Variants in TANC1 observed in about 807,000 individuals in gnomAD.
TANC1 encodes tetratricopeptide repeat, ankyrin repeat and coiled-coil containing 1, also known as protein TANC1.
Under a neutral mutation model 149.7 loss-of-function variants are expected in TANC1, and 77 were observed. That is an observed-to-expected ratio of 0.51 (90% CI 0.43 to 0.62). TANC1 has a LOEUF of 0.62. Ranked by LOEUF, TANC1 falls within the 20% of genes least tolerant of loss-of-function variation. TANC1 has a pLI of 0.00. For synonymous variants in TANC1, 854 were observed against 925.0 expected (o/e 0.92, Z 1.39); for missense variants, 1,985 against 2,321.8 (o/e 0.85, Z 2.98).
At chr2:159,102,767 G>A (rs1271932073) in intron 4 of TANC1, among the ~76,000 whole-genome samples, 1 of 68,190 alleles carries the variant, frequency 1.5e-5, no homozygotes, top group Admixed American at 1.9e-4. Context: ...TGCCCAGGCT[G>A]GAGTGCAGTG....
At position 159,136,315 on chromosome 2, in the gene TANC1, T is replaced by C. The variant is rs1195741844; in HGVS notation, c.364+17T>C. 1 of 1,402,884 alleles carries C rather than the reference T, an allele frequency of 7.1e-7. No homozygotes were observed. Among genetic ancestry groups the C allele is most frequent in the African/African-American group, 1.4e-5 (1 of 70,886 alleles). The allele number at this position is 1,402,884 out of a possible 1,614,324, so 86.9% of individuals were successfully genotyped here. A position where few individuals can be genotyped will look rare whatever the true frequency, so the allele number is the denominator to read the frequency against. Reference sequence around the variant, plus strand: ...ATGAGCATGGTAAGAATTTCAGTGATTTCCTTCCCCCTCTACCAAAGATTT... The same window carrying C: ...ATGAGCATGGTAAGAATTTCAGTGACTTCCTTCCCCCTCTACCAAAGATTT... On this transcript the variant is annotated intron_variant, in intron 5 of 26. Coordinates refer to ENST00000263635, the MANE Select transcript of TANC1 (RefSeq NM_033394.3).
chr2:159,190,942 A>T (rs1377275127), intron 16 of TANC1, among the ~76,000 whole-genome samples: 1 of 152,262 alleles, frequency 6.6e-6, no homozygotes, highest in East Asian at 1.9e-4. Context: ...GCAAGCCTAT[A>T]TAGATCTGTA....
intron 2 of TANC1, among the ~76,000 whole-genome samples, chr2:159,058,714 A>G (rs997849952): frequency 6.6e-6 from 1 of 152,216 alleles, no homozygotes; most frequent in Non-Finnish European, 1.5e-5. Flanking sequence ...GAAGGAAGCA[A>G]CTTCTTTATC....
chr2:159,003,111 C>T (rs973766308), intron 2 of TANC1, among the ~76,000 whole-genome samples: 1 of 152,144 alleles, frequency 6.6e-6, no homozygotes, highest in Admixed American at 6.5e-5. Context: ...AGGTTTTTAA[C>T]CCCTGTAGCT....
intron 2 of TANC1, among the ~76,000 whole-genome samples, chr2:159,037,416 A>G (rs963133476): frequency 2.1e-4 from 32 of 152,194 alleles, no homozygotes; most frequent in African/African-American, 7.7e-4. Context: ...TGTTTTAGTC[A>G]TGAAGTCTTT....
At position 159,163,634 on chromosome 2, in the gene TANC1, A is replaced by G. The variant is rs994910635; in HGVS notation, c.946+88A>G. The G allele has an allele frequency of 1.4e-5, 20 of 1,475,956 alleles. No homozygotes were observed. In the Middle Eastern group the frequency reaches 7.6e-4, roughly 56 times the overall value. The allele number at this position is 1,475,956 out of a possible 1,614,324, so 91.4% of individuals were successfully genotyped here. The stretch of plus-strand genomic sequence containing the variant: ...GTCTTCACATGGGAAGACACTCCAG[A>G]TACAAGCCAGCTTCGTGGCCGTGGG... On this transcript the variant is annotated intron_variant, in intron 8 of 26. Coordinates refer to ENST00000263635, the MANE Select transcript of TANC1 (RefSeq NM_033394.3).
chr2:159,028,081 A>G (rs1013357541), intron 2 of TANC1, among the ~76,000 whole-genome samples: 4 of 152,156 alleles, frequency 2.6e-5, no homozygotes, highest in African/African-American at 9.6e-5. Context: ...TTGCCAACAC[A>G]TGAAAGTTGG....
chr2:158,993,150 G>T lies in TANC1; in HGVS notation c.-125-7930G>T, dbSNP rs578149452. 4.6e-5 allele frequency among the ~76,000 whole-genome samples: 7 copies of T among 152,332 alleles called. No homozygotes were observed. The South Asian group carries it at 1.2e-3, about 27-fold the overall frequency. On this transcript the variant is annotated intron_variant, in intron 1 of 26. Transcript: ENST00000263635. ...TATGAGCAGTTTTCAGCCAAGGAAA[G>T]GAGTCAGATTAAACGGTCACACAGC...
intron 1 of TANC1, among the ~76,000 whole-genome samples, chr2:158,980,807 C>T (rs57613923): frequency 0.094 from 14,239 of 151,638 alleles, 690 homozygotes; most frequent in Middle Eastern, 0.11. Flanking sequence ...CCTTAAATAG[C>T]ATTTGTCACC....
At chr2:159,181,960 G>T (rs2056533353) in intron 14 of TANC1, among the ~76,000 whole-genome samples, 1 of 152,108 alleles carries the variant, frequency 6.6e-6, no homozygotes, top group African/African-American at 2.4e-5. Flanking sequence ...TAGCACTTTG[G>T]GAGGCAGAGA....
chr2:159,086,815 T>A (rs568442021), intron 3 of TANC1, among the ~76,000 whole-genome samples: 1 of 152,348 alleles, frequency 6.6e-6, no homozygotes, highest in East Asian at 1.9e-4. Flanking sequence ...TTGGGTCATG[T>A]ATCTTACTTA....
intron 1 of TANC1, among the ~76,000 whole-genome samples, chr2:159,000,444 G>A (rs2036523827): frequency 6.6e-6 from 1 of 152,036 alleles, no homozygotes; most frequent in Non-Finnish European, 1.5e-5. Flanking sequence ...AGTGGGAGGA[G>A]GGCCTTTTAG....
Position 159,230,843 on chromosome 2 carries a change from G to C in TANC1, c.5417G>C (p.Ser1806Thr). Reference sequence around the variant, plus strand: ...GCACAAGTGAAGGAGCTAGAAGAAAGCAAGTGCCAAATTCCAGTCCACTCT... The same window carrying C: ...GCACAAGTGAAGGAGCTAGAAGAAACCAAGTGCCAAATTCCAGTCCACTCT... ...NGAQVKELEE[S>T]KCQIPVHSQE... is the part of the protein sequence containing the mutation. The change falls in exon 27 of 27, where the codon AGC (serine) becomes ACC (threonine). Residue 1806 changes from serine to threonine, a missense_variant. Physicochemically the swap from Ser to Thr is moderately conservative, Grantham distance 58 (BLOSUM62 1). Transcript: ENST00000263635. This position sits in a 1 kb window ranked among gnomAD's most constrained non-coding sequence, Gnocchi z 4.4. 6.2e-7 allele frequency: 1 copy of C among 1,614,204 alleles called. No homozygotes were observed. The highest frequency in any genetic ancestry group is 1.1e-5 in the South Asian group (1 of 91,078).
intron 25 of TANC1, chr2:159,228,256 G>T: frequency 2.7e-6 from 1 of 367,042 alleles, no homozygotes. Flanking sequence ...CACTGTTGCT[G>T]CTGGCACTGC....
At chr2:158,978,972 G>C (rs368671960) in intron 1 of TANC1, among the ~76,000 whole-genome samples, 129 of 152,246 alleles carry the variant, frequency 8.5e-4, no homozygotes, top group African/African-American at 2.9e-3. Context: ...AGATTTCTTT[G>C]TTGGCCATTT....
chr2:159,029,654 C>T (rs1294918725), intron 2 of TANC1, among the ~76,000 whole-genome samples: 2 of 152,164 alleles, frequency 1.3e-5, no homozygotes, highest in Non-Finnish European at 2.9e-5. Flanking sequence ...ATCTTGGACT[C>T]CTGGGCTCAA....
chr2:159,182,419 A>G (rs2056586935), intron 14 of TANC1, among the ~76,000 whole-genome samples: 1 of 152,244 alleles, frequency 6.6e-6, no homozygotes, highest in South Asian at 2.1e-4. Flanking sequence ...CAAATTCTTA[A>G]TAATCTTAAA....
At chr2:159,222,238 T>C (rs533355541) in intron 22 of TANC1, among the ~76,000 whole-genome samples, 20 of 152,234 alleles carry the variant, frequency 1.3e-4, no homozygotes, top group Non-Finnish European at 2.5e-4. Context: ...AACATAATTT[T>C]TTTAATACCG....
At chr2:159,019,311 G>C (rs1056949974) in intron 2 of TANC1, among the ~76,000 whole-genome samples, 1 of 152,206 alleles carries the variant, frequency 6.6e-6, no homozygotes, top group African/African-American at 2.4e-5. Flanking sequence ...GGAGTGATGG[G>C]AATAGAGATT....
Sources: allele counts gnomAD v4.1 joint callset (sites outside exome capture counted in the v4.1 genomes callset), GRCh38; gene constraint gnomAD v4.1.1; non-coding constraint Gnocchi (gnomAD v3.1); transcripts MANE v1.5; gene names NCBI Gene and HGNC (gene_info 2026-07-23, HGNC 2026-07-21).